Variants in TSNARE1 observed in about 807,000 individuals in gnomAD.
TSNARE1 encodes the protein t-SNARE domain containing 1.
TSNARE1 carries 49 observed loss-of-function variants against 62.0 expected under a neutral mutation model. That is an observed-to-expected ratio of 0.79 (90% CI 0.63 to 1.00). The LOEUF (loss-of-function observed/expected upper bound fraction) is 1.00. TSNARE1 is among the 50% of genes least tolerant of loss of function. TSNARE1 has a pLI of 0.00. For synonymous variants in TSNARE1, 328 were observed against 294.4 expected, an observed-to-expected ratio of 1.11 and a Z score of -1.17; for missense variants, 755 against 700.1, an observed-to-expected ratio of 1.08 and a Z score of -0.88.
At position 142,396,263 on chromosome 8, in the gene TSNARE1, G is replaced by A. The variant is rs570166161; in HGVS notation, c.-40+6841C>T. ...CACACACACACACGCACACACCCGC[G>A]CACCTGGCCCCAAAGCCCTGGAAAC... is the stretch of plus-strand genomic sequence containing the variant. On this transcript the variant is annotated intron_variant, in intron 1 of 13. Coordinates refer to ENST00000524325, the MANE Select transcript of TSNARE1 (RefSeq NM_145003.5). Among the ~76,000 whole-genome samples, 7 of 152,036 alleles carry A rather than the reference G, an allele frequency of 4.6e-5. No homozygotes were observed. The East Asian group carries it at 9.7e-4, about 21-fold the overall frequency.
At chr8:142,233,555 G>T (rs754008242) in intron 12 of TSNARE1, among the ~76,000 whole-genome samples, 2 of 152,206 alleles carry the variant, frequency 1.3e-5, no homozygotes, top group Non-Finnish European at 2.9e-5. Flanking sequence ...GGGCCAGGAG[G>T]GGCCGGTGTG....
chr8:142,324,464 G>T (rs148771654), intron 6 of TSNARE1, among the ~76,000 whole-genome samples: 1 of 152,200 alleles, frequency 6.6e-6, no homozygotes, highest in Non-Finnish European at 1.5e-5. Context: ...TGCCTGGGGG[G>T]TGTGTCACCT....
At chr8:142,282,608 G>GT (rs1821774552) in intron 11 of TSNARE1, among the ~76,000 whole-genome samples, 36 of 121,098 alleles carry the variant, frequency 3.0e-4, no homozygotes, top group Middle Eastern at 4.2e-3. Context: ...ATGAGCAGAG[G>GT]GGAGGCCACT....
rs1022846711 is a variant in TSNARE1 at position 142,271,301 on chromosome 8, C to T, written c.1446+3480G>A. On this transcript the variant is annotated intron_variant, in intron 12 of 13. Coordinates refer to ENST00000524325, the MANE Select transcript of TSNARE1 (RefSeq NM_145003.5). ...GAGGGCCTCCACGCCATCGGCCAGA[C>T]GCTGGCTCTGCTCGGCCAGCCGCTG... 35 of 1,097,940 alleles carry T rather than the reference C, an allele frequency of 3.2e-5. No homozygotes were observed. The South Asian group carries it at 5.6e-4, about 18-fold the overall frequency. The allele number at this position is 1,097,940 out of a possible 1,614,324, so 68.0% of individuals were successfully genotyped here. A position where few individuals can be genotyped will look rare whatever the true frequency, so the allele number is the denominator to read the frequency against.
At chr8:142,380,738 A>C (rs1836679163) in intron 1 of TSNARE1, among the ~76,000 whole-genome samples, 1 of 152,198 alleles carries the variant, frequency 6.6e-6, no homozygotes, top group Non-Finnish European at 1.5e-5. Context: ...GACTGCAAGG[A>C]GAAAACGCTC....
At chr8:142,212,523 C>T (rs540276788) in intron 13 of TSNARE1, among the ~76,000 whole-genome samples, 5 of 152,158 alleles carry the variant, frequency 3.3e-5, no homozygotes, top group South Asian at 4.1e-4. Context: ...ACGCAGGCCT[C>T]GGTCACCCAT....
chr8:142,281,913 G>A (rs1821549397), intron 11 of TSNARE1, among the ~76,000 whole-genome samples: 1 of 152,168 alleles, frequency 6.6e-6, no homozygotes, highest in Non-Finnish European at 1.5e-5. Flanking sequence ...GGTCCTTGAT[G>A]GGTGGCCTCC....
intron 12 of TSNARE1, 145 bp from the exon 13 acceptor site, chr8:142,229,724 C>T (rs1327033002): frequency 1.5e-6 from 1 of 670,016 alleles, no homozygotes. Flanking sequence ...CTGTGTCTTT[C>T]AAGGGGCTCT....
At chr8:142,280,199 T>TAAACA (rs1376174171) in intron 11 of TSNARE1, 8 of 985,264 alleles carry the variant, frequency 8.1e-6, no homozygotes, top group African/African-American at 1.7e-5. Context: ...GGCTTGCGTG[T>TAAACA]CTTGGTGCGG....
intron 1 of TSNARE1, among the ~76,000 whole-genome samples, chr8:142,396,827 CT>C (rs1415435750): frequency 6.6e-6 from 1 of 152,186 alleles, no homozygotes; most frequent in Non-Finnish European, 1.5e-5. Context: ...GACAGATGCC[CT>C]GTGGTCAAAA....
In TSNARE1 at chr8:142,371,959, G is replaced by A. The variant is rs114684896; in HGVS notation, c.-39-17196C>T. On this transcript the variant is annotated intron_variant, in intron 1 of 13. Transcript: ENST00000524325. ...TAGCTGCAACAGACACTCTAAAGCC[G>A]GAGAACACCAACATATTTACAGTCT... Among the ~76,000 whole-genome samples the A allele has an allele frequency of 3.2e-3, 492 of 152,216 alleles. 3 individuals are homozygous for A. Among genetic ancestry groups the A allele is most frequent in the African/African-American group, 0.011 (465 of 41,522 alleles).
At chr8:142,375,922 G>A (rs1222886051) in intron 1 of TSNARE1, among the ~76,000 whole-genome samples, 1 of 152,184 alleles carries the variant, frequency 6.6e-6, no homozygotes, top group African/African-American at 2.4e-5. Flanking sequence ...AGAGGAAGAG[G>A]GTGGGCAAAA....
At position 142,265,124 on chromosome 8, in the gene TSNARE1, T is replaced by TTGTGTGTGTGTGTGTG. The variant is rs35377443; in HGVS notation, c.1446+9656_1446+9657insCACACACACACACACA. ...GTTTCTTATTAACTTTCTACTCAGT[T>TTGTGTGTGTGTGTGTG]TGTGTGTGTGTGTAGTTCTATGAAA... On this transcript the variant is annotated intron_variant, in intron 12 of 13. Transcript: ENST00000524325. Among the ~76,000 whole-genome samples, 916 of 151,204 alleles carry TTGTGTGTGTGTGTGTG rather than the reference T, an allele frequency of 6.1e-3. 1 individual carries two copies. The highest frequency in any genetic ancestry group is 8.6e-3 in the Non-Finnish European group (582 of 67,824).
chr8:142,272,373 C>T (rs1156431336), intron 12 of TSNARE1, among the ~76,000 whole-genome samples: 4 of 148,476 alleles, frequency 2.7e-5, no homozygotes, highest in Non-Finnish European at 6.1e-5. Flanking sequence ...TCTACACCTT[C>T]CTCCTTCCAT....
At chr8:142,340,206 G>T (rs2130043707) in intron 4 of TSNARE1, among the ~76,000 whole-genome samples, 1 of 152,334 alleles carries the variant, frequency 6.6e-6, no homozygotes, top group African/African-American at 2.4e-5. Context: ...AGAACACGGG[G>T]CCACATAAGA....
At chr8:142,273,751 C>T (rs534578449) in intron 12 of TSNARE1, 10 of 985,434 alleles carry the variant, frequency 1.0e-5, no homozygotes, top group Non-Finnish European at 1.2e-5. Context: ...GCAGCCCTGG[C>T]CTTTCCCTCA....
chr8:142,311,445 G>A (rs567112502), intron 9 of TSNARE1, among the ~76,000 whole-genome samples: 2 of 151,576 alleles, frequency 1.3e-5, no homozygotes, highest in African/African-American at 4.9e-5. Flanking sequence ...TTACAGGCAT[G>A]TGCCACCACA....
intron 10 of TSNARE1, among the ~76,000 whole-genome samples, chr8:142,290,029 C>T (rs1249912258): frequency 6.6e-6 from 1 of 152,172 alleles, no homozygotes; most frequent in African/African-American, 2.4e-5. Flanking sequence ...GGGCCCTGTG[C>T]ACCTGGGCAG....
chr8:142,338,927 G>A (rs961857073), intron 4 of TSNARE1, among the ~76,000 whole-genome samples: 26 of 152,150 alleles, frequency 1.7e-4, no homozygotes, highest in Non-Finnish European at 1.9e-4. Context: ...CACTGGCCCT[G>A]CGGTGAGATG....
Sources: allele counts gnomAD v4.1 joint callset (sites outside exome capture counted in the v4.1 genomes callset), GRCh38; gene constraint gnomAD v4.1.1; transcripts MANE v1.5; gene names NCBI Gene and HGNC (gene_info 2026-07-23, HGNC 2026-07-21).